CEP192: variants seen among roughly 807,000 people sequenced by gnomAD.
CEP192 encodes centrosomal protein of 192 kDa.
A neutral mutation model predicts 271.8 loss-of-function variants in CEP192; 151 were observed. The ratio of observed to expected loss-of-function variants is 0.56; its 90% CI spans 0.49 to 0.64. The LOEUF is 0.64. CEP192 is among the 30% of genes least tolerant of loss of function. The pLI, the probability that CEP192 is intolerant of heterozygous loss-of-function variation, is 0.00. For synonymous variants in CEP192, 995 were observed against 1,076.5 expected, an observed-to-expected ratio of 0.92 and a Z score of 1.48; for missense variants, 2,910 against 3,020.5, an observed-to-expected ratio of 0.96 and a Z score of 0.86.
intron 9 of CEP192, among the ~76,000 whole-genome samples, 195 bp from the exon 10 acceptor site, chr18:13,029,468 G>A (rs1264575955): frequency 6.6e-6 from 1 of 152,180 alleles, no homozygotes; most frequent in African/African-American, 2.4e-5. Context: ...ACAAAGTCTG[G>A]TTTTGGTAAG....
intron 44 of CEP192, among the ~76,000 whole-genome samples, 174 bp downstream of exon 44, chr18:13,117,817 G>A (rs1026208518): frequency 2.6e-5 from 4 of 152,166 alleles, no homozygotes; most frequent in African/African-American, 7.2e-5. Flanking sequence ...CCTGCAGGGG[G>A]ACAGCTCCTG....
chr18:13,036,365 C>T (rs1038459826), intron 11 of CEP192, among the ~76,000 whole-genome samples: 1 of 150,532 alleles, frequency 6.6e-6, no homozygotes, highest in Non-Finnish European at 1.5e-5. Flanking sequence ...CTGATTGGTC[C>T]CTCATGGACA....
chr18:13,018,658 T>A, intron 8 of CEP192, 43 bp downstream of exon 8: 1 of 1,349,276 alleles, frequency 7.4e-7, no homozygotes, highest in Non-Finnish European at 9.9e-7. Context: ...AGTTCTAGTT[T>A]TGACTTTACT....
chr18:12,999,356 CT>C, intron 1 of CEP192, 64 bp from the exon 2 acceptor site: 1 of 1,224,448 alleles, frequency 8.2e-7, no homozygotes, highest in Non-Finnish European at 1.1e-6. Context: ...TAAGACAATG[CT>C]TTTAATCATT....
intron 34 of CEP192, among the ~76,000 whole-genome samples, chr18:13,093,652 G>T (rs1484739859): frequency 6.6e-6 from 1 of 152,204 alleles, no homozygotes; most frequent in African/African-American, 2.4e-5. Context: ...TCTCTAAATT[G>T]TTCATGTGCT....
intron 9 of CEP192, among the ~76,000 whole-genome samples, chr18:13,025,471 C>T (rs1231449286): frequency 1.3e-5 from 2 of 152,128 alleles, no homozygotes; most frequent in Non-Finnish European, 2.9e-5. Context: ...CCCACCTTGG[C>T]CTCCTGAAGT....
rs1329812092 is a variant in CEP192 at position 13,029,655 on chromosome 18, T to C, written c.1051-8T>C. On this transcript the variant is annotated splice_polypyrimidine_tract_variant and splice_region_variant and intron_variant, in intron 9 of 44. Transcript: ENST00000506447. ...CTCTGTTAAAAAATCTGATTTTTTGTTTTAAAGGAATGTGCAAGTAAAGAT... is the reference window on the plus strand; with the variant it reads ...CTCTGTTAAAAAATCTGATTTTTTGCTTTAAAGGAATGTGCAAGTAAAGAT... 6.8e-7 allele frequency: 1 copy of C among 1,463,366 alleles called. No individual in the cohort carries two copies. The highest frequency in any genetic ancestry group is 9.1e-7 in the Non-Finnish European group (1 of 1,099,228). 90.6% of individuals were successfully genotyped at this position (1,463,366 alleles called of 1,614,324 possible). A position where few individuals can be genotyped will look rare whatever the true frequency, so the allele number is the denominator to read the frequency against.
At chr18:13,046,831 T>G (rs1266131195) in intron 15 of CEP192, among the ~76,000 whole-genome samples, 1 of 142,482 alleles carries the variant, frequency 7.0e-6, no homozygotes, top group Non-Finnish European at 1.5e-5. Context: ...TATCCTTACT[T>G]TTTTTTTTTT....
intron 4 of CEP192, among the ~76,000 whole-genome samples, chr18:13,012,332 C>G (rs1317501256): frequency 6.6e-6 from 1 of 151,954 alleles, no homozygotes; most frequent in Non-Finnish European, 1.5e-5. Context: ...ATGTACCTAC[C>G]CATTGGTATA....
At chr18:13,012,647 T>C (rs1431460272) in intron 4 of CEP192, among the ~76,000 whole-genome samples, 1 of 152,176 alleles carries the variant, frequency 6.6e-6, no homozygotes, top group Non-Finnish European at 1.5e-5. Context: ...CACACTGTAG[T>C]TTGTCCCACT....
In CEP192 at chr18:13,048,975, T is replaced by C. The variant is rs778497202; in HGVS notation, c.2184T>C (p.Asn728=). ...IASAIAEASV[N]TDPSQLAAMI... ...CAGCCATTGCAGAGGCATCAGTTAA[T>C]ACTGATCCTTCCCAACTTGCTGCAA... Residue 728 remains asparagine, a synonymous_variant, in exon 16 of 45, where the codon AAT becomes AAC. Coordinates refer to ENST00000506447, the MANE Select transcript of CEP192 (RefSeq NM_032142.4). 1.9e-6 allele frequency: 3 copies of C among 1,613,396 alleles called. No homozygotes were observed. In the South Asian group the frequency reaches 3.3e-5, roughly 18 times the overall value.
At chr18:13,010,737 G>A (rs765247708) in intron 4 of CEP192, among the ~76,000 whole-genome samples, 13 of 151,940 alleles carry the variant, frequency 8.6e-5, no homozygotes, top group Admixed American at 2.6e-4. Context: ...TCCCAGCTAC[G>A]TGGGAGGCTG....
chr18:13,066,960 C>T (rs1434149022), intron 21 of CEP192, among the ~76,000 whole-genome samples: 6 of 97,332 alleles, frequency 6.2e-5, no homozygotes, highest in African/African-American at 2.8e-4. Context: ...AATGTGAGCA[C>T]GTCTGTGTGT....
chr18:13,050,446 A>G (rs1260746736), intron 17 of CEP192, among the ~76,000 whole-genome samples: 2 of 152,198 alleles, frequency 1.3e-5, no homozygotes, highest in African/African-American at 4.8e-5. Flanking sequence ...CTGAAGCAAC[A>G]TGGTACGGTT....
At chr18:13,075,582 G>C (rs2038228670) in intron 30 of CEP192, among the ~76,000 whole-genome samples, 1 of 151,974 alleles carries the variant, frequency 6.6e-6, no homozygotes, top group African/African-American at 2.4e-5. Flanking sequence ...AAGAAGCAGA[G>C]AGCAGCCCTC....
intron 11 of CEP192, among the ~76,000 whole-genome samples, chr18:13,031,886 A>G (rs1044799467): frequency 5.3e-5 from 8 of 152,170 alleles, no homozygotes; most frequent in African/African-American, 1.9e-4. Context: ...TCAAATGGAG[A>G]GAAAGCCCAG....
At chr18:13,001,977 G>T (rs530422319) in intron 3 of CEP192, among the ~76,000 whole-genome samples, 1 of 152,358 alleles carries the variant, frequency 6.6e-6, no homozygotes, top group African/African-American at 2.4e-5. Flanking sequence ...CTCCCAAAGT[G>T]CTGGGATTAG....
chr18:13,040,085 A>C (rs7229869), intron 13 of CEP192, among the ~76,000 whole-genome samples: 58,279 of 151,968 alleles, frequency 0.38, 11,429 homozygotes, highest in Middle Eastern at 0.44. Flanking sequence ...GAAGTTGAAG[A>C]GTAACTGAAT....
intron 11 of CEP192, among the ~76,000 whole-genome samples, chr18:13,032,504 C>T (rs567371563): frequency 1.3e-5 from 2 of 152,272 alleles, no homozygotes; most frequent in South Asian, 4.1e-4. Context: ...ATATTTATCA[C>T]TTAAAAGATC....
Sources: allele counts gnomAD v4.1 joint callset (sites outside exome capture counted in the v4.1 genomes callset), GRCh38; gene constraint gnomAD v4.1.1; transcripts MANE v1.5; gene names NCBI Gene and HGNC (gene_info 2026-07-23, HGNC 2026-07-21).